Variants in IGF2BP2 observed in about 807,000 individuals in gnomAD.
IGF2BP2 encodes the protein insulin like growth factor 2 mRNA binding protein 2, also known as insulin-like growth factor 2 mRNA-binding protein 2.
Under a neutral mutation model 75.8 loss-of-function variants are expected in IGF2BP2, and 17 were observed. The observed-to-expected ratio is 0.22, with a 90% CI of 0.15 to 0.34. The LOEUF (loss-of-function observed/expected upper bound fraction) is 0.34, where lower values mean the gene tolerates loss of function less well. IGF2BP2 is among the 10% of genes least tolerant of loss of function. IGF2BP2 has a pLI of 1.00. For missense variants in IGF2BP2, 516 were observed against 772.4 expected (o/e 0.67, Z 3.93); for synonymous variants, 288 against 295.6 (o/e 0.97, Z 0.26).
Position 185,744,670 on chromosome 3 carries a change from G to A in IGF2BP2, c.240-46323C>T, listed in dbSNP as rs531738061. Among the ~76,000 whole-genome samples the A allele has an allele frequency of 1.2e-3, 177 of 152,236 alleles. 1 individual carries two copies. Among genetic ancestry groups the A allele is most frequent in the African/African-American group, 4.0e-3 (167 of 41,542 alleles). ...TAAAAAATACAAAAATTAGCTGGGC[G>A]TGGTGGCCGGCGCCTGTAATCTCAG... On this transcript the variant is annotated intron_variant, in intron 2 of 15. Transcript: ENST00000382199.
chr3:185,677,881 T>C (rs199695027), intron 7 of IGF2BP2, among the ~76,000 whole-genome samples: 1 of 152,064 alleles, frequency 6.6e-6, no homozygotes, highest in East Asian at 1.9e-4. Context: ...ACCAGCAAAT[T>C]TGAATGTAGA....
At chr3:185,674,773 C>G (rs561781417) in intron 9 of IGF2BP2, among the ~76,000 whole-genome samples, 1 of 152,132 alleles carries the variant, frequency 6.6e-6, no homozygotes, top group Non-Finnish European at 1.5e-5. Flanking sequence ...ATGTAGCCTT[C>G]CAGTCATTCT....
chr3:185,671,177 C>A (rs1718444543), intron 10 of IGF2BP2, among the ~76,000 whole-genome samples: 1 of 152,216 alleles, frequency 6.6e-6, no homozygotes, highest in African/African-American at 2.4e-5. Flanking sequence ...ACTCAACACA[C>A]AAGGCTCAGT....
At chr3:185,812,534 G>A (rs9837654) in intron 2 of IGF2BP2, among the ~76,000 whole-genome samples, 53,768 of 152,158 alleles carry the variant, frequency 0.35, 11,401 homozygotes, top group African/African-American at 0.61. Flanking sequence ...GGAGTAACAA[G>A]GGCAGGGTCT....
chr3:185,667,665 G>A (rs927615821), intron 10 of IGF2BP2, among the ~76,000 whole-genome samples: 2 of 152,158 alleles, frequency 1.3e-5, no homozygotes, highest in African/African-American at 4.8e-5. Flanking sequence ...TATTTAAAAT[G>A]CATATACCCT....
intron 2 of IGF2BP2, among the ~76,000 whole-genome samples, chr3:185,708,457 G>A (rs1170672697): frequency 6.6e-6 from 1 of 152,106 alleles, no homozygotes; most frequent in Non-Finnish European, 1.5e-5. Flanking sequence ...CACTGTGATA[G>A]CTCACTCTTT....
chr3:185,797,552 C>A (rs894859229), intron 2 of IGF2BP2, among the ~76,000 whole-genome samples: 1 of 152,186 alleles, frequency 6.6e-6, no homozygotes, highest in Non-Finnish European at 1.5e-5. Flanking sequence ...TTTCAGCTGA[C>A]AGGCAGAGCT....
intron 10 of IGF2BP2, among the ~76,000 whole-genome samples, chr3:185,664,680 C>A (rs564379071): frequency 6.6e-5 from 10 of 152,188 alleles, no homozygotes; most frequent in African/African-American, 2.2e-4. Context: ...AGAGGATGTA[C>A]AAATAGTAGG....
At chr3:185,725,341 GA>G (rs1439537547) in intron 2 of IGF2BP2, among the ~76,000 whole-genome samples, 1 of 152,214 alleles carries the variant, frequency 6.6e-6, no homozygotes, top group African/African-American at 2.4e-5. Flanking sequence ...TACGCTTCCA[GA>G]AGGCTAACCT....
At chr3:185,812,182 A>C (rs1739983093) in intron 2 of IGF2BP2, among the ~76,000 whole-genome samples, 1 of 152,154 alleles carries the variant, frequency 6.6e-6, no homozygotes, top group African/African-American at 2.4e-5. Context: ...CACCTTACAC[A>C]ACAGATAAGA....
At chr3:185,652,457 T>G (rs749034569) in intron 12 of IGF2BP2, among the ~76,000 whole-genome samples, 4 of 152,186 alleles carry the variant, frequency 2.6e-5, no homozygotes, top group African/African-American at 4.8e-5. Context: ...CTCCTCTCAT[T>G]GAGCCAAGTT....
At chr3:185,651,977 GGCA>G in intron 13 of IGF2BP2, 114 bp downstream of exon 13, 1 of 677,720 alleles carries the variant, frequency 1.5e-6, no homozygotes. Context: ...GAGCTTGGTG[GGCA>G]GCAGCAGGGA....
intron 2 of IGF2BP2, among the ~76,000 whole-genome samples, chr3:185,820,235 T>C (rs186765734): frequency 1.1e-3 from 110 of 102,776 alleles, no homozygotes; most frequent in South Asian, 7.6e-3. Context: ...TATATACACA[T>C]ACACACACAC....
At position 185,689,257 on chromosome 3, in the gene IGF2BP2, C is replaced by A; in HGVS notation, c.677+98G>T. On this transcript the variant is annotated intron_variant, in intron 6 of 15. Coordinates refer to ENST00000382199, the MANE Select transcript of IGF2BP2 (RefSeq NM_006548.6). ...CTGTCTCTTACAGCACAGCCCCCCA[C>A]TGCTGATGTAAGCAATTGTGACCTA... 3.1e-6 allele frequency: 4 copies of A among 1,280,792 alleles called. No individual in the cohort carries two copies. In the South Asian group the frequency reaches 5.6e-5, roughly 18 times the overall value. The allele number at this position is 1,280,792 out of a possible 1,614,324, so 79.3% of individuals were successfully genotyped here.
At chr3:185,663,789 ATG>A in intron 10 of IGF2BP2, among the ~76,000 whole-genome samples, 1 of 152,180 alleles carries the variant, frequency 6.6e-6, no homozygotes, top group Non-Finnish European at 1.5e-5. Flanking sequence ...TGTTGATATG[ATG>A]TATTACAATG....
chr3:185,763,819 T>C (rs905963861), intron 2 of IGF2BP2, among the ~76,000 whole-genome samples: 3 of 152,170 alleles, frequency 2.0e-5, no homozygotes, highest in African/African-American at 7.2e-5. Flanking sequence ...TTTTTAAGTC[T>C]TTTACAGGAT....
At chr3:185,712,474 C>T (rs1248933328) in intron 2 of IGF2BP2, 1 of 152,108 alleles carries the variant, frequency 6.6e-6, no homozygotes, top group Non-Finnish European at 1.5e-5. Context: ...TATTCCAACA[C>T]AATAGAGAAG....
intron 2 of IGF2BP2, among the ~76,000 whole-genome samples, chr3:185,774,737 C>T (rs1235409710): frequency 1.3e-5 from 2 of 151,776 alleles, no homozygotes; most frequent in African/African-American, 2.4e-5. Flanking sequence ...GGCGTGGTGG[C>T]TCACACCTGT....
intron 2 of IGF2BP2, among the ~76,000 whole-genome samples, chr3:185,723,385 T>C (rs184640877): frequency 1.3e-5 from 2 of 152,328 alleles, no homozygotes; most frequent in East Asian, 3.9e-4. Context: ...GCTGGGAAGA[T>C]GGTTAGGCCA....
Sources: gnomAD v4.1 joint callset for allele counts (sites outside exome capture counted in the v4.1 genomes callset) on GRCh38, gnomAD v4.1.1 for gene constraint, MANE v1.5 for transcripts, NCBI Gene and HGNC (gene_info 2026-07-23, HGNC 2026-07-21) for gene names.